Variants in CASP8 observed in about 807,000 individuals in gnomAD.
CASP8 encodes the protein caspase 8.
CASP8 carries 24 observed loss-of-function variants against 46.3 expected under a neutral mutation model. The observed-to-expected ratio is 0.52, with a 90% confidence interval of 0.38 to 0.73. The LOEUF is 0.73. CASP8 is among the 30% of genes least tolerant of loss of function. The pLI is 0.00. For missense variants in CASP8, 460 were observed against 559.0 expected (o/e 0.82, Z 1.79); for synonymous variants, 188 against 200.4 (o/e 0.94, Z 0.52).
rs141260012 is a variant in CASP8 at position 201,272,903 on chromosome 2, A to G, written c.556A>G (p.Ser186Gly). ...NDYEEFSKERSSSLEGSPDEF... is the reference protein window; with the variant it reads ...NDYEEFSKERGSSLEGSPDEF... ...GGTTTCCCCTTTTAATTCAGAGAGA[A>G]GCAGCAGCCTTGAAGGAAGTCCTGA... The change falls in exon 5 of 9, where the codon AGC (serine) becomes GGC (glycine). Residue 186 changes from serine to glycine, a missense_variant. Coordinates refer to ENST00000673742, the MANE Select transcript of CASP8 (RefSeq NM_001372051.1). This position sits in a 1 kb window ranked among gnomAD's most constrained non-coding sequence, Gnocchi z 4.4. 4 of 1,614,168 alleles carry G rather than the reference A, an allele frequency of 2.5e-6. No homozygotes were observed. Among genetic ancestry groups the G allele is most frequent in the East Asian group, 2.2e-5 (1 of 44,878 alleles).
chr2:201,270,975 G>A (rs1479082652), intron 2 of CASP8, among the ~76,000 whole-genome samples: 1 of 152,128 alleles, frequency 6.6e-6, no homozygotes, highest in African/African-American at 2.4e-5. Context: ...GGGGTGTAGC[G>A]GCACCACAGA....
At chr2:201,278,095 G>A (rs1576352869) in intron 7 of CASP8, 1 of 152,450 alleles carries the variant, frequency 6.6e-6, no homozygotes, top group Non-Finnish European at 1.5e-5. Context: ...GTCACTATGC[G>A]CTTGGTATTG....
intron 2 of CASP8, among the ~76,000 whole-genome samples, chr2:201,248,043 T>G (rs998748396): frequency 6.6e-6 from 1 of 152,080 alleles, no homozygotes. Flanking sequence ...GCCTCCCAAA[T>G]TGGTAGGATT....
At chr2:201,285,732 A>G (rs1341401052) in intron 8 of CASP8, among the ~76,000 whole-genome samples, 1 of 152,246 alleles carries the variant, frequency 6.6e-6, no homozygotes, top group Non-Finnish European at 1.5e-5. Context: ...TCTTCCAAGA[A>G]GGCAGTAACC....
At chr2:201,277,992 G>A (rs1486971747) in intron 7 of CASP8, 1 of 184,392 alleles carries the variant, frequency 5.4e-6, no homozygotes, top group Non-Finnish European at 1.1e-5. Context: ...TCAGCCACCT[G>A]TACCTGGTCC....
rs1248750953 is a variant in CASP8, at chr2:201,287,245, G to C, written c.*651G>C. ...CCACACTACCACATTAAAAAAATTAGAAAGTAGCCACGTATGGTGGCTCAT... is the reference window on the plus strand; with the variant it reads ...CCACACTACCACATTAAAAAAATTACAAAGTAGCCACGTATGGTGGCTCAT... On this transcript the variant is annotated 3_prime_UTR_variant, in exon 9 of 9. Transcript: ENST00000673742. 1 of 153,468 alleles carries C rather than the reference G, an allele frequency of 6.5e-6. No homozygotes were observed. The highest frequency in any genetic ancestry group is 1.5e-5 in the Non-Finnish European group (1 of 68,812). 9.5% of individuals were successfully genotyped at this position (153,468 alleles called of 1,614,324 possible). A position where few individuals can be genotyped will look rare whatever the true frequency, so the allele number is the denominator to read the frequency against.
chr2:201,268,331 A>G (rs1377631898), intron 2 of CASP8, among the ~76,000 whole-genome samples: 1 of 151,532 alleles, frequency 6.6e-6, no homozygotes, highest in East Asian at 2.0e-4. Flanking sequence ...AGAGCTGATC[A>G]CCTGAGGTCA....
intron 6 of CASP8, among the ~76,000 whole-genome samples, chr2:201,276,024 T>G (rs1948609222): frequency 6.6e-6 from 1 of 152,154 alleles, no homozygotes; most frequent in South Asian, 2.1e-4. Context: ...AGATAACAGG[T>G]TATTTGCCCA....
rs1199876454 is a variant in CASP8 at position 201,287,636 on chromosome 2, T to TTAAG, written c.*1044_*1047dup. On this transcript the variant is annotated 3_prime_UTR_variant, in exon 9 of 9. Transcript: ENST00000673742. ...TTGGATTATTTTAAATCATTAGGAATTAAGTTATCTTTAAAATTTAAGTAT... is the reference window on the plus strand; with the variant it reads ...TTGGATTATTTTAAATCATTAGGAATTAAGTAAGTTATCTTTAAAATTTAAGTAT... The TTAAG allele has an allele frequency of 1.3e-5, 2 of 154,076 alleles. No individual in the cohort carries two copies. Among genetic ancestry groups the TTAAG allele is most frequent in the East Asian group, 3.9e-4 (2 of 5,180 alleles). 9.5% of individuals were successfully genotyped at this position (154,076 alleles called of 1,614,324 possible). A position where few individuals can be genotyped will look rare whatever the true frequency, so the allele number is the denominator to read the frequency against.
At chr2:201,285,648 T>C (rs1270000861) in intron 8 of CASP8, among the ~76,000 whole-genome samples, 1 of 152,156 alleles carries the variant, frequency 6.6e-6, no homozygotes, top group Non-Finnish European at 1.5e-5. Flanking sequence ...CAGGAAAGGA[T>C]AGGAAAGTCA....
rs34750049 is a variant in CASP8 at position 201,285,366 on chromosome 2, C to T, written c.1304+49C>T. ...CCTCACTGTTACACTACCTTCCCCCCCTACTCCATCACACTACTATCTACT... is the reference window on the plus strand; with the variant it reads ...CCTCACTGTTACACTACCTTCCCCCTCTACTCCATCACACTACTATCTACT... On this transcript the variant is annotated intron_variant, in intron 8 of 8. Transcript: ENST00000673742. 14,047 of 1,598,444 alleles carry T rather than the reference C, an allele frequency of 8.8e-3. 85 individuals carry two copies. The highest frequency in any genetic ancestry group is 0.011 in the Middle Eastern group (50 of 4,500).
At chr2:201,238,337 G>A (rs1946144196) in intron 2 of CASP8, among the ~76,000 whole-genome samples, 1 of 152,154 alleles carries the variant, frequency 6.6e-6, no homozygotes, top group Non-Finnish European at 1.5e-5. Flanking sequence ...ATTTTCTAAA[G>A]GTTATCTACA....
intron 2 of CASP8, among the ~76,000 whole-genome samples, chr2:201,248,177 C>T (rs1290835712): frequency 6.6e-6 from 1 of 152,104 alleles, no homozygotes; most frequent in Non-Finnish European, 1.5e-5. Flanking sequence ...TCTACTATTT[C>T]GGTAATTAAG....
rs532488308 is a variant in CASP8 at position 201,245,099 on chromosome 2, C to A, written c.-27+10987C>A. Among the ~76,000 whole-genome samples, 4 of 152,310 alleles carry A rather than the reference C, an allele frequency of 2.6e-5. No homozygotes were observed. The South Asian group carries it at 6.2e-4, about 24-fold the overall frequency. Reference sequence around the variant, plus strand: ...GAGCATAGGGCGTCCATCATATATGCCCCATGCTTGGGCCCATTGATGTGT... The same window carrying A: ...GAGCATAGGGCGTCCATCATATATGACCCATGCTTGGGCCCATTGATGTGT... On this transcript the variant is annotated intron_variant, in intron 2 of 6. Transcript: ENST00000264274.
At chr2:201,249,766 A>G (rs1378184751) in intron 2 of CASP8, among the ~76,000 whole-genome samples, 1 of 152,150 alleles carries the variant, frequency 6.6e-6, no homozygotes, top group Non-Finnish European at 1.5e-5. Context: ...GAGAGTTCCC[A>G]TATACCCTCT....
chr2:201,264,198 A>G (rs1559347254), intron 1 of CASP8, among the ~76,000 whole-genome samples: 1 of 152,218 alleles, frequency 6.6e-6, no homozygotes, highest in South Asian at 2.1e-4. Context: ...TCTAATGCTG[A>G]TAAACAGTTG....
intron 2 of CASP8, chr2:201,242,553 A>G (rs1946346359): frequency 6.6e-6 from 1 of 152,182 alleles, no homozygotes; most frequent in Admixed American, 6.6e-5. Flanking sequence ...ATACCAACAC[A>G]TAGGGGATTA....
At position 201,273,063 on chromosome 2, in the gene CASP8, T is replaced by TG. The variant is rs1553603936; in HGVS notation, c.595+121_595+122insG. 3.0e-5 allele frequency: 24 copies of TG among 798,804 alleles called. No individual in the cohort carries two copies. The East Asian group carries it at 6.3e-4, about 21-fold the overall frequency. The allele number at this position is 798,804 out of a possible 1,614,324, so 49.5% of individuals were successfully genotyped here. The stretch of plus-strand genomic sequence containing the variant: ...ACGTGCCTGCTCTACTTTTTCTTTT[T>TG]TTTTTTTTTTTTGTGAGACAGTTTT... On this transcript the variant is annotated intron_variant, in intron 5 of 8. Coordinates refer to ENST00000673742, the MANE Select transcript of CASP8 (RefSeq NM_001372051.1).
chr2:201,277,181 T>C (rs965491260), intron 7 of CASP8: 1 of 401,568 alleles, frequency 2.5e-6, no homozygotes, highest in African/African-American at 2.0e-5. Flanking sequence ...GTAATGTATG[T>C]ATAAATATAA....
Sources: gnomAD v4.1 joint callset for allele counts (sites outside exome capture counted in the v4.1 genomes callset) on GRCh38, gnomAD v4.1.1 for gene constraint, Gnocchi (gnomAD v3.1) non-coding constraint, MANE v1.5 for transcripts, NCBI Gene and HGNC (gene_info 2026-07-23, HGNC 2026-07-21) for gene names.